The following PYCR1 variants were observed in gnomAD, a reference collection of about 807,000 sequenced individuals.
PYCR1 encodes the protein pyrroline-5-carboxylate reductase 1.
Under a neutral mutation model 22.9 loss-of-function variants are expected in PYCR1, and 19 were observed. The observed-to-expected ratio is 0.83, with a 90% CI of 0.58 to 1.22. The LOEUF (loss-of-function observed/expected upper bound fraction) is 1.22. Among genes scored for constraint, PYCR1 ranks in the 50% most tolerant of loss-of-function variants. PYCR1 has a pLI of 0.00. For synonymous variants in PYCR1, 175 were observed against 180.5 expected (o/e 0.97, Z 0.24); for missense variants, 429 against 431.3 (o/e 0.99, Z 0.05).
chr17:81,936,671 C>T, intron 1 of PYCR1, 77 bp downstream of exon 1: 5 of 1,497,408 alleles, frequency 3.3e-6, no homozygotes, highest in Non-Finnish European at 4.6e-6. Flanking sequence ...CACCCACCTT[C>T]AGCCCCCAGC....
In PYCR1 at chr17:81,936,192, G is replaced by A. The variant is rs906227692; in HGVS notation, c.69C>T (p.Gly23=). 5 of 1,613,282 alleles carry A rather than the reference G, an allele frequency of 3.1e-6. No homozygotes were observed. The African/African-American group carries it at 5.3e-5, about 17-fold the overall frequency. ...CCATTATCTTGTGGGCAGCCAAGAC[G>A]CCTGAGGGGAGAAACAGTTCCTCTT... ...FALAKGFTAA[G]VLAAHKIMAS... The change falls in exon 2 of 7, where the codon GGC becomes GGT. Residue 23 remains glycine (G), a splice_region_variant and synonymous_variant. Coordinates refer to ENST00000329875, the MANE Select transcript of PYCR1 (RefSeq NM_006907.4).
At chr17:81,934,189 G>C in intron 6 of PYCR1, 137 bp downstream of exon 6, 1 of 1,350,604 alleles carries the variant, frequency 7.4e-7, no homozygotes, top group Non-Finnish European at 1.0e-6. Flanking sequence ...GAACCTCGGG[G>C]CCCCCTGTGT....
chr17:81,934,612 G>A (rs971214276), intron 5 of PYCR1, 41 bp downstream of exon 5: 16 of 1,547,774 alleles, frequency 1.0e-5, no homozygotes, highest in Middle Eastern at 1.7e-4. Context: ...CCAGGGCCCC[G>A]CAAAGAGTGG....
Position 81,932,754 on chromosome 17 carries a change from C to G in PYCR1, c.*460G>C. The G allele has an allele frequency of 7.4e-7, 1 of 1,359,622 alleles. No individual in the cohort carries two copies. Among genetic ancestry groups the G allele is most frequent in the Non-Finnish European group, 1.0e-6 (1 of 990,464 alleles). 84.2% of individuals were successfully genotyped at this position (1,359,622 alleles called of 1,614,324 possible). A position where few individuals can be genotyped will look rare whatever the true frequency, so the allele number is the denominator to read the frequency against. On this transcript the variant is annotated 3_prime_UTR_variant, in exon 7 of 7. Transcript: ENST00000329875. ...TCACGCTGGACTTGGGATGCCTGGA[C>G]CCTCTGGCCCTTCTCACACGGGAAG...
intron 3 of PYCR1, 69 bp from the exon 4 acceptor site, chr17:81,935,216 A>G: frequency 6.4e-7 from 1 of 1,564,654 alleles, no homozygotes; most frequent in Non-Finnish European, 8.7e-7. Flanking sequence ...CCCACCAAGC[A>G]GTGCCCGAGC....
chr17:81,934,212 T>G (rs761419785), intron 6 of PYCR1, 114 bp downstream of exon 6: 2 of 1,483,768 alleles, frequency 1.3e-6, no homozygotes, highest in South Asian at 2.4e-5. Flanking sequence ...TGCGCAACAC[T>G]GGGCTGGAGC....
chr17:81,934,860 AG>A, intron 4 of PYCR1, 65 bp downstream of exon 4: 1 of 1,579,716 alleles, frequency 6.3e-7, no homozygotes, highest in Non-Finnish European at 8.6e-7. Flanking sequence ...CAGGGGGAGC[AG>A]GGACAGATGT....
At position 81,933,164 on chromosome 17, in the gene PYCR1, G is replaced by C. The variant is rs901350829; in HGVS notation, c.*50C>G. 1.2e-6 allele frequency: 2 copies of C among 1,611,450 alleles called. No individual in the cohort carries two copies. The highest frequency in any genetic ancestry group is 3.3e-5 in the Admixed American group (2 of 59,998). ...CTTTGGGGACCCCCTAGTCCCCCTA[G>C]TGACAAGAGAAGAGAAGGTGGTGGC... is the stretch of plus-strand genomic sequence containing the variant. On this transcript the variant is annotated 3_prime_UTR_variant, in exon 7 of 7. Coordinates refer to ENST00000329875, the MANE Select transcript of PYCR1 (RefSeq NM_006907.4).
chr17:81,934,536 T>C, intron 5 of PYCR1, 47 bp from the exon 6 acceptor site: 2 of 1,559,232 alleles, frequency 1.3e-6, no homozygotes, highest in South Asian at 2.4e-5. Flanking sequence ...CACCTGCCTC[T>C]GCGGGGCACT....
In PYCR1 at chr17:81,936,180, G is replaced by A; in HGVS notation, c.81C>T (p.Ala27=). ...CTGGGGAGCTAGCCATTATCTTGTG[G>A]GCAGCCAAGACGCCTGAGGGGAGAA... ...KGFTAAGVLA[A]HKIMASSPDM... is the part of the protein sequence containing the mutation. Residue 27 remains alanine, a synonymous_variant, in exon 2 of 7, where the codon GCC becomes GCT. Coordinates refer to ENST00000329875, the MANE Select transcript of PYCR1 (RefSeq NM_006907.4). 6.2e-7 allele frequency: 1 copy of A among 1,613,838 alleles called. No homozygotes were observed. Among genetic ancestry groups the A allele is most frequent in the Non-Finnish European group, 8.5e-7 (1 of 1,179,870 alleles).
rs1171461242 is a variant in PYCR1, at chr17:81,935,149, T to C, written c.319-2A>G. On this transcript the variant is annotated splice_acceptor_variant, in intron 3 of 6. Transcript: ENST00000329875. LOFTEE classifies it high-confidence loss of function. The stretch of plus-strand genomic sequence containing the variant: ...GGCTGGCCGAAACGCTGACAGCTTC[T>C]GGAAGAGAAACCAGCGTGTCCGTCT... 6.2e-7 allele frequency: 1 copy of C among 1,605,432 alleles called. No homozygotes were observed. The highest frequency in any genetic ancestry group is 8.5e-7 in the Non-Finnish European group (1 of 1,178,950).
intron 6 of PYCR1, 146 bp from the exon 7 acceptor site, chr17:81,933,522 GC>G: frequency 2.0e-6 from 2 of 984,420 alleles, no homozygotes; most frequent in Non-Finnish European, 3.1e-6. Flanking sequence ...CCAGCGACAC[GC>G]CCCCACACAG....
Position 81,935,351 on chromosome 17 carries a change from T to C in PYCR1, c.304A>G (p.Ser102Gly), listed in dbSNP as rs2041153460. 6.2e-7 allele frequency: 1 copy of C among 1,612,300 alleles called. No individual in the cohort carries two copies. The highest frequency in any genetic ancestry group is 1.3e-5 in the African/African-American group (1 of 74,882). ...TGCGGTGCTACCTTCTCAATGGAGCTGATGGTGACGCCGGCCGCGCAGGAC... is the reference window on the plus strand; with the variant it reads ...TGCGGTGCTACCTTCTCAATGGAGCCGATGGTGACGCCGGCCGCGCAGGAC... ...VVSCAAGVTI[S>G]SIEKKLSAFR... is the part of the protein sequence containing the mutation. The change falls in exon 3 of 7, where the codon AGC (serine) becomes GGC (glycine). Residue 102 changes from serine to glycine, a missense_variant. Ser to Gly is a moderately conservative substitution (Grantham distance 56). Coordinates refer to ENST00000329875, the MANE Select transcript of PYCR1 (RefSeq NM_006907.4).
chr17:81,933,152 CT>C lies in PYCR1; in HGVS notation c.*61del, dbSNP rs1567920674. The C allele has an allele frequency of 1.4e-5, 22 of 1,609,854 alleles. No homozygotes were observed. The East Asian group carries it at 3.3e-4, about 24-fold the overall frequency. ...GAAAGTGGGCCACTTTGGGGACCCC[CT>C]AGTCCCCCTAGTGACAAGAGAAGAG... is the stretch of plus-strand genomic sequence containing the variant. On this transcript the variant is annotated 3_prime_UTR_variant, in exon 7 of 7. Coordinates refer to ENST00000329875, the MANE Select transcript of PYCR1 (RefSeq NM_006907.4).
intron 1 of PYCR1, 148 bp downstream of exon 1, chr17:81,936,600 G>A (rs2041201845): frequency 1.1e-6 from 1 of 875,496 alleles, no homozygotes; most frequent in African/African-American, 1.7e-5. Flanking sequence ...AGACAGCACA[G>A]GTAAAGCCCC....
intron 1 of PYCR1, 121 bp downstream of exon 1, chr17:81,936,627 C>T (rs1175689779): frequency 9.9e-6 from 11 of 1,113,406 alleles, no homozygotes; most frequent in Non-Finnish European, 1.4e-5. Flanking sequence ...ACAGAAGTTG[C>T]CAGTTCCCGC....
chr17:81,936,219 A>G, intron 1 of PYCR1, 26 bp from the exon 2 acceptor site: 3 of 1,602,426 alleles, frequency 1.9e-6, no homozygotes, highest in Non-Finnish European at 2.6e-6. Context: ...GTTCCTCTTC[A>G]GTTCTTTATT....
At position 81,934,925 on chromosome 17, in the gene PYCR1, C is replaced by T. The variant is rs752297179; in HGVS notation, c.540+1G>A. The T allele has an allele frequency of 1.3e-5, 21 of 1,609,552 alleles. No homozygotes were observed. The highest frequency in any genetic ancestry group is 7.7e-5 in the South Asian group (7 of 91,004). ...CCGCCAGCTTCCCCCGCAGTCCTTACGTAGGCGGGGCCGCTGCCACTGAGC... is the reference window on the plus strand; with the variant it reads ...CCGCCAGCTTCCCCCGCAGTCCTTATGTAGGCGGGGCCGCTGCCACTGAGC... On this transcript the variant is annotated splice_donor_variant, in intron 4 of 6. Transcript: ENST00000329875. LOFTEE classifies it high-confidence loss of function.
In PYCR1 at chr17:81,933,363, T is replaced by C; in HGVS notation, c.811A>G (p.Met271Val). The change falls in exon 7 of 7, where the codon ATG (methionine) becomes GTG (valine). Residue 271 changes from methionine (M) to valine (V), a missense_variant. Physicochemically the swap from Met to Val is conservative, Grantham distance 21. Coordinates refer to ENST00000329875, the MANE Select transcript of PYCR1 (RefSeq NM_006907.4). ...SCIRTRELQS[M>V]ADQEQVSPAA... Reference sequence around the variant, plus strand: ...GGTGACACCTGCTCCTGGTCAGCCATGGACTGCAGCTCCCTAGAGAGGCAG... The same window carrying C: ...GGTGACACCTGCTCCTGGTCAGCCACGGACTGCAGCTCCCTAGAGAGGCAG... 1.2e-6 allele frequency: 2 copies of C among 1,613,772 alleles called. No individual in the cohort carries two copies. Among genetic ancestry groups the C allele is most frequent in the Non-Finnish European group, 1.7e-6 (2 of 1,179,988 alleles).
Sources: gnomAD v4.1 joint callset for allele counts on GRCh38, gnomAD v4.1.1 for gene constraint, MANE v1.5 for transcripts, NCBI Gene and HGNC (gene_info 2026-07-23, HGNC 2026-07-21) for gene names.